The following AQP5 variants were observed in gnomAD, a reference collection of about 807,000 sequenced individuals.
AQP5 encodes aquaporin-5.
A neutral mutation model predicts 19.1 loss-of-function variants in AQP5; 15 were observed. That is an observed-to-expected ratio of 0.79 (90% CI 0.53 to 1.21). The LOEUF is 1.21. AQP5 is among the 50% of genes most tolerant of loss of function. The pLI, the probability that AQP5 is intolerant of heterozygous loss-of-function variation, is 0.00. For synonymous variants in AQP5, 182 were observed against 160.3 expected, an observed-to-expected ratio of 1.14 and a Z score of -1.02; for missense variants, 355 against 357.1, an observed-to-expected ratio of 0.99 and a Z score of 0.05.
chr12:49,963,858 T>A, intron 2 of AQP5: 2 of 845,052 alleles, frequency 2.4e-6, no homozygotes, highest in Non-Finnish European at 3.6e-6. Context: ...TGGGAGTAAG[T>A]AGGAGGTGGG....
chr12:49,962,590 C>A, intron 1 of AQP5: 1 of 679,186 alleles, frequency 1.5e-6, no homozygotes, highest in Non-Finnish European at 2.3e-6. Context: ...TCCCCTCATG[C>A]TGGCCCACCC....
At position 49,962,477 on chromosome 12, in the gene AQP5, G is replaced by A. The variant is rs370019607; in HGVS notation, c.363+97G>A. The stretch of plus-strand genomic sequence containing the variant: ...TGGAAAAAAGGGGTGCCGCAGAGTG[G>A]GCCAGCCCACACCCTTCACCAGGAA... On this transcript the variant is annotated intron_variant, in intron 1 of 3. Transcript: ENST00000293599. The A allele has an allele frequency of 3.6e-5, 37 of 1,033,724 alleles. No individual in the cohort carries two copies. The East Asian group carries it at 5.7e-4, about 16-fold the overall frequency. 64.0% of individuals were successfully genotyped at this position (1,033,724 alleles called of 1,614,324 possible).
Position 49,965,347 on chromosome 12 carries a change from T to A in AQP5, c.*170T>A. ...GGGGAGAAGGAACCCATGATGGGAC[T>A]CCTGGGGTAGGGGCCAGGGGCTGGG... On this transcript the variant is annotated 3_prime_UTR_variant, in exon 4 of 4. Coordinates refer to ENST00000293599, the MANE Select transcript of AQP5 (RefSeq NM_001651.4). 1.3e-6 allele frequency: 1 copy of A among 778,896 alleles called. No individual in the cohort carries two copies. The highest frequency in any genetic ancestry group is 1.9e-6 in the Non-Finnish European group (1 of 513,030). 48.2% of individuals were successfully genotyped at this position (778,896 alleles called of 1,614,324 possible).
Position 49,965,207 on chromosome 12 carries a change from C to G in AQP5, c.*30C>G. ...TGTCAGGCAGGGGCCAGCCCCTCAGCCCCTGAGCCAAGGGGGAAAAGAAGA... is the reference window on the plus strand; with the variant it reads ...TGTCAGGCAGGGGCCAGCCCCTCAGGCCCTGAGCCAAGGGGGAAAAGAAGA... On this transcript the variant is annotated 3_prime_UTR_variant, in exon 4 of 4. Transcript: ENST00000293599. The G allele has an allele frequency of 6.4e-7, 1 of 1,559,584 alleles. No individual in the cohort carries two copies. Among genetic ancestry groups the G allele is most frequent in the South Asian group, 1.2e-5 (1 of 84,920 alleles).
Position 49,964,191 on chromosome 12 carries a change from C to A in AQP5, c.612+16C>A. 6.2e-7 allele frequency: 1 copy of A among 1,611,008 alleles called. No individual in the cohort carries two copies. Among genetic ancestry groups the A allele is most frequent in the Non-Finnish European group, 8.5e-7 (1 of 1,177,204 alleles). Reference sequence around the variant, plus strand: ...CGCTCACTGGGTGAGTCTGTCCCTTCCCCTGGCTCCCTGGAGATGAGGGCC... The same window carrying A: ...CGCTCACTGGGTGAGTCTGTCCCTTACCCTGGCTCCCTGGAGATGAGGGCC... On this transcript the variant is annotated intron_variant, in intron 3 of 3. Transcript: ENST00000293599.
In AQP5 at chr12:49,962,277, C is replaced by T; in HGVS notation, c.260C>T (p.Ala87Val). The change falls in exon 1 of 4, where the codon GCT (alanine) becomes GTT (valine). Residue 87 changes from alanine to valine, a missense_variant. Ala to Val is a moderately conservative substitution (Grantham distance 64). Coordinates refer to ENST00000293599, the MANE Select transcript of AQP5 (RefSeq NM_001651.4). ...LVGNQISLLRAFFYVAAQLVG... is the reference protein window; with the variant it reads ...LVGNQISLLRVFFYVAAQLVG... ...GGCAACCAGATCTCGCTGCTCCGGG[C>T]TTTCTTCTACGTGGCGGCCCAGCTG... The T allele has an allele frequency of 6.2e-7, 1 of 1,607,454 alleles. No individual in the cohort carries two copies. Among genetic ancestry groups the T allele is most frequent in the Non-Finnish European group, 8.5e-7 (1 of 1,179,896 alleles).
chr12:49,964,431 T>C lies in AQP5; in HGVS notation c.612+256T>C, dbSNP rs565665004. Among the ~76,000 whole-genome samples the C allele has an allele frequency of 2.0e-5, 3 of 152,024 alleles. No individual in the cohort carries two copies. In the South Asian group the frequency reaches 6.2e-4, roughly 32 times the overall value. The stretch of plus-strand genomic sequence containing the variant: ...CTTATGGAAGAGGCTCTACTGAACC[T>C]GGAGGTGCAGAGGGGCTCTGTGTCA... On this transcript the variant is annotated intron_variant, in intron 3 of 3. Coordinates refer to ENST00000293599, the MANE Select transcript of AQP5 (RefSeq NM_001651.4).
chr12:49,964,312 AG>A (rs1331252774), intron 3 of AQP5, 137 bp downstream of exon 3: 1 of 922,978 alleles, frequency 1.1e-6, no homozygotes, highest in Non-Finnish European at 1.7e-6. Flanking sequence ...TGACAGAGAA[AG>A]GGACACAGTA....
rs773111194 is a variant in AQP5, at chr12:49,961,971, C to T, written c.-47C>T. On this transcript the variant is annotated 5_prime_UTR_variant, in exon 1 of 4. The change creates a new upstream start codon in the 5' untranslated region. Coordinates refer to ENST00000293599, the MANE Select transcript of AQP5 (RefSeq NM_001651.4). ...ACCTCCTCCGCCGCCTGCGACCCAA[C>T]GGGCGCCCCCCGCCGCGGCAGCTGC... is the stretch of plus-strand genomic sequence containing the variant. The T allele has an allele frequency of 2.1e-5, 27 of 1,283,298 alleles. No individual in the cohort carries two copies. Among genetic ancestry groups the T allele is most frequent in the South Asian group, 1.0e-4 (4 of 39,698 alleles). The allele number at this position is 1,283,298 out of a possible 1,614,324, so 79.5% of individuals were successfully genotyped here.
chr12:49,961,880 A>C lies in AQP5; in HGVS notation c.-138A>C. 1 of 342,282 alleles carries C rather than the reference A, an allele frequency of 2.9e-6. No individual in the cohort carries two copies. 21.2% of individuals were successfully genotyped at this position (342,282 alleles called of 1,614,324 possible). A position where few individuals can be genotyped will look rare whatever the true frequency, so the allele number is the denominator to read the frequency against. The stretch of plus-strand genomic sequence containing the variant: ...CCAGCAGGGCCCGCGCCAGGCCGCC[A>C]GCCTCGGAGTGGGCGCGGGACAGTG... On this transcript the variant is annotated 5_prime_UTR_variant, in exon 1 of 4. Coordinates refer to ENST00000293599, the MANE Select transcript of AQP5 (RefSeq NM_001651.4).
chr12:49,965,291 G>A lies in AQP5; in HGVS notation c.*114G>A. On this transcript the variant is annotated 3_prime_UTR_variant, in exon 4 of 4. Coordinates refer to ENST00000293599, the MANE Select transcript of AQP5 (RefSeq NM_001651.4). ...ACCGGTCCTCTTGGCTGAGGAGGAG[G>A]AGCTGGTCACCCTGGCTGCACAGTT... The A allele has an allele frequency of 1.6e-6, 2 of 1,274,830 alleles. No homozygotes were observed. The highest frequency in any genetic ancestry group is 2.1e-6 in the Non-Finnish European group (2 of 953,884). 79.0% of individuals were successfully genotyped at this position (1,274,830 alleles called of 1,614,324 possible).
rs1422676263 is a variant in AQP5, at chr12:49,965,374, T to C, written c.*197T>C. On this transcript the variant is annotated 3_prime_UTR_variant, in exon 4 of 4. Coordinates refer to ENST00000293599, the MANE Select transcript of AQP5 (RefSeq NM_001651.4). ...CTGGGGTAGGGGCCAGGGGCTGGGG[T>C]CTGCTGGGGACAGGTCTCTCTGGGA... 1 of 617,356 alleles carries C rather than the reference T, an allele frequency of 1.6e-6. No homozygotes were observed. The highest frequency in any genetic ancestry group is 2.7e-6 in the Non-Finnish European group (1 of 368,594). 38.2% of individuals were successfully genotyped at this position (617,356 alleles called of 1,614,324 possible).
At chr12:49,962,562 G>A in intron 1 of AQP5, 182 bp downstream of exon 1, 1 of 754,202 alleles carries the variant, frequency 1.3e-6, no homozygotes, top group Non-Finnish European at 1.9e-6. Context: ...CTCCCTTCCT[G>A]CCCACCTCCT....
intron 1 of AQP5, 132 bp from the exon 2 acceptor site, chr12:49,963,360 G>A (rs1592821653): frequency 8.3e-6 from 10 of 1,210,716 alleles, no homozygotes; most frequent in South Asian, 2.8e-5. Context: ...TCGCTGGGGC[G>A]ATGTCCACAG....
rs398123056 is a variant in AQP5, at chr12:49,964,092, A to G, written c.529A>G (p.Ile177Val). The G allele has an allele frequency of 5.6e-6, 9 of 1,613,710 alleles. No homozygotes were observed. The East Asian group carries it at 1.3e-4, about 24-fold the overall frequency. The change falls in exon 3 of 4, where the codon ATC becomes GTC. Residue 177 changes from isoleucine to valine, a missense_variant and splice_region_variant. Physicochemically the swap from Ile to Val is conservative, Grantham distance 29 (BLOSUM62 3). Coordinates refer to ENST00000293599, the MANE Select transcript of AQP5 (RefSeq NM_001651.4). The part of the protein sequence containing the change: ...LSVTLGHLVG[I>V]YFTGCSMNPA... ...TCTCCACCGCCCTGTCTCTATCCAG[A>G]TCTACTTCACTGGCTGCTCCATGAA...
rs1947425776 is a variant in AQP5 at position 49,961,882 on chromosome 12, C to T, written c.-136C>T. Reference sequence around the variant, plus strand: ...AGCAGGGCCCGCGCCAGGCCGCCAGCCTCGGAGTGGGCGCGGGACAGTGCG... The same window carrying T: ...AGCAGGGCCCGCGCCAGGCCGCCAGTCTCGGAGTGGGCGCGGGACAGTGCG... On this transcript the variant is annotated 5_prime_UTR_variant, in exon 1 of 4. Coordinates refer to ENST00000293599, the MANE Select transcript of AQP5 (RefSeq NM_001651.4). 1 of 375,494 alleles carries T rather than the reference C, an allele frequency of 2.7e-6. No individual in the cohort carries two copies. The highest frequency in any genetic ancestry group is 3.8e-6 in the Non-Finnish European group (1 of 265,876). 23.3% of individuals were successfully genotyped at this position (375,494 alleles called of 1,614,324 possible).
At chr12:49,964,875 G>T in intron 3 of AQP5, 117 bp from the exon 4 acceptor site, 1 of 1,490,338 alleles carries the variant, frequency 6.7e-7, no homozygotes. Context: ...TGAAGGTCTG[G>T]AAGTCTGCAT....
chr12:49,964,629 C>T, intron 3 of AQP5: 3 of 985,142 alleles, frequency 3.0e-6, no homozygotes, highest in Non-Finnish European at 3.6e-6. Context: ...TCTCCAGGGT[C>T]TGCTTCTATC....
intron 2 of AQP5, 79 bp downstream of exon 2, chr12:49,963,735 C>G (rs2137160158): frequency 1.3e-6 from 2 of 1,521,796 alleles, no homozygotes; most frequent in Admixed American, 3.8e-5. Context: ...GAGCGGAGCC[C>G]ACTTCAGATG....
Sources: allele counts gnomAD v4.1 joint callset (sites outside exome capture counted in the v4.1 genomes callset), GRCh38; gene constraint gnomAD v4.1.1; transcripts MANE v1.5; gene names NCBI Gene and HGNC (gene_info 2026-07-23, HGNC 2026-07-21).